STAMBPL1: variants seen among roughly 807,000 people sequenced by gnomAD.
STAMBPL1 encodes AMSH-like protease.
Under a neutral mutation model 52.9 loss-of-function variants are expected in STAMBPL1, and 44 were observed. The observed-to-expected ratio is 0.83, with a 90% confidence interval of 0.65 to 1.07. The LOEUF (loss-of-function observed/expected upper bound fraction) is 1.07. STAMBPL1 is among the 50% of genes least tolerant of loss of function. STAMBPL1 has a pLI of 0.00. For synonymous variants in STAMBPL1, 164 were observed against 177.3 expected, an observed-to-expected ratio of 0.92 and a Z score of 0.60; for missense variants, 511 against 520.8, an observed-to-expected ratio of 0.98 and a Z score of 0.18.
At chr10:88,923,079 G>T in intron 10 of STAMBPL1, 89 bp from the exon 11 acceptor site, 1 of 859,206 alleles carries the variant, frequency 1.2e-6, no homozygotes, top group Non-Finnish European at 1.8e-6. Context: ...TTAAAATTAG[G>T]AAATCTATAC....
At chr10:88,921,259 GATT>G in intron 8 of STAMBPL1, 21 bp from the exon 9 acceptor site, 2 of 1,587,980 alleles carry the variant, frequency 1.3e-6, no homozygotes, top group Non-Finnish European at 1.7e-6. Flanking sequence ...ATCCTAGTAA[GATT>G]ATCTTATTTT....
chr10:88,914,726 T>A, intron 7 of STAMBPL1, 68 bp downstream of exon 7: 2 of 713,278 alleles, frequency 2.8e-6, no homozygotes, highest in Non-Finnish European at 3.8e-6. Flanking sequence ...AGTACTAGAT[T>A]TCTTCTGATA....
intron 3 of STAMBPL1, among the ~76,000 whole-genome samples, chr10:88,905,988 G>A (rs1845064003): frequency 6.6e-6 from 1 of 152,024 alleles, no homozygotes; most frequent in Non-Finnish European, 1.5e-5. Context: ...GACAGAAATG[G>A]AAGCTTTATG....
chr10:88,917,038 C>G (rs1163356180), intron 8 of STAMBPL1, among the ~76,000 whole-genome samples: 2 of 152,064 alleles, frequency 1.3e-5, no homozygotes, highest in African/African-American at 4.8e-5. Context: ...CAGTGTTAGA[C>G]TGTGCCTAAA....
chr10:88,888,162 C>T (rs1233860530), intron 1 of STAMBPL1, among the ~76,000 whole-genome samples: 1 of 151,894 alleles, frequency 6.6e-6, no homozygotes, highest in African/African-American at 2.4e-5. Context: ...TTGGATAGGG[C>T]AGAGATGGAT....
chr10:88,886,644 A>G (rs1422902346), intron 1 of STAMBPL1, among the ~76,000 whole-genome samples: 1 of 152,146 alleles, frequency 6.6e-6, no homozygotes, highest in East Asian at 1.9e-4. Context: ...ATTCATTTTA[A>G]TTGTGTGATT....
At chr10:88,908,577 C>A in intron 3 of STAMBPL1, 125 bp from the exon 4 acceptor site, 3 of 761,810 alleles carry the variant, frequency 3.9e-6, no homozygotes, top group Non-Finnish European at 6.4e-6. Flanking sequence ...GATGGCAAGA[C>A]TGAAGGTAAA....
At chr10:88,901,026 TC>T (rs1297613827) in intron 1 of STAMBPL1, 1 of 152,234 alleles carries the variant, frequency 6.6e-6, no homozygotes, top group Non-Finnish European at 1.5e-5. Flanking sequence ...GGATAATTTT[TC>T]TTTTAATTAG....
rs374165837 is a variant in STAMBPL1 at position 88,913,513 on chromosome 10, A to G, written c.778+55A>G. ...ACTGAGCCTCATCGGATGGAACCAT[A>G]TTTCTATAGCATCTGGGAGGGTCCT... On this transcript the variant is annotated intron_variant, in intron 6 of 10. Transcript: ENST00000371926. 3 of 1,443,074 alleles carry G rather than the reference A, an allele frequency of 2.1e-6. No individual in the cohort carries two copies. In the African/African-American group the frequency reaches 4.2e-5, roughly 20 times the overall value. 89.4% of individuals were successfully genotyped at this position (1,443,074 alleles called of 1,614,324 possible). A position where few individuals can be genotyped will look rare whatever the true frequency, so the allele number is the denominator to read the frequency against.
chr10:88,913,563 A>G, intron 6 of STAMBPL1, 105 bp downstream of exon 6: 1 of 928,868 alleles, frequency 1.1e-6, no homozygotes, highest in Non-Finnish European at 1.6e-6. Flanking sequence ...TAATTGTAGT[A>G]GGACCCCTGC....
At chr10:88,904,743 A>G (rs931306566) in intron 2 of STAMBPL1, among the ~76,000 whole-genome samples, 3 of 152,178 alleles carry the variant, frequency 2.0e-5, no homozygotes, top group Non-Finnish European at 2.9e-5. Context: ...ATAAAATTCA[A>G]ATTGCTATCA....
chr10:88,886,505 G>C (rs1348544911), intron 1 of STAMBPL1, among the ~76,000 whole-genome samples: 1 of 152,046 alleles, frequency 6.6e-6, no homozygotes, highest in Non-Finnish European at 1.5e-5. Flanking sequence ...GAAAGAATTT[G>C]AGATTTAGTG....
rs1178593311 is a variant in STAMBPL1 at position 88,913,384 on chromosome 10, C to G, written c.704C>G (p.Ala235Gly). Residue 235 changes from alanine (A) to glycine (G), a missense_variant, in exon 6 of 11, where the codon GCA becomes GGA. By Grantham distance (60) the Ala-to-Gly change is moderately conservative (BLOSUM62 0). Around this residue, in one of 3 missense-constraint regions of STAMBPL1, gnomAD observed 358 missense variants for 343.5 expected, o/e 1.04. Coordinates refer to ENST00000371926, the MANE Select transcript of STAMBPL1 (RefSeq NM_020799.4). ...VFADQPNKSD[A>G]TNYASHSPPV... ...GCAGATCAACCTAATAAAAGTGATG[C>G]AACCAATTATGCTAGCCACTCTCCT... 6.2e-7 allele frequency: 1 copy of G among 1,613,700 alleles called. No homozygotes were observed. Among genetic ancestry groups the G allele is most frequent in the East Asian group, 2.2e-5 (1 of 44,880 alleles).
At chr10:88,881,469 C>T (rs1458119766) in intron 1 of STAMBPL1, among the ~76,000 whole-genome samples, 2 of 152,072 alleles carry the variant, frequency 1.3e-5, no homozygotes, top group East Asian at 1.9e-4. Flanking sequence ...AAAAAGACAG[C>T]TTTCAAAGTA....
Position 88,921,318 on chromosome 10 carries a change from T to A in STAMBPL1, c.1077T>A (p.Val359=), listed in dbSNP as rs1195110398. The change falls in exon 9 of 11, where the codon GTT becomes GTA. Residue 359 remains valine, a synonymous_variant. Transcript: ENST00000371926. The part of the protein sequence containing the change: ...HPTQTAFLSS[V]DLHTHCSYQL... ...CTCAAACTGCATTTTTATCCAGCGT[T>A]GATCTTCACACTCACTGTTCCTATC... The A allele has an allele frequency of 6.2e-7, 1 of 1,613,360 alleles. No individual in the cohort carries two copies. Among genetic ancestry groups the A allele is most frequent in the East Asian group, 2.2e-5 (1 of 44,866 alleles).
chr10:88,904,929 A>G (rs981504615), intron 2 of STAMBPL1, among the ~76,000 whole-genome samples: 1 of 151,900 alleles, frequency 6.6e-6, no homozygotes, highest in Non-Finnish European at 1.5e-5. Context: ...TTTTTAACTC[A>G]ATGAAGATGC....
chr10:88,912,385 T>G (rs913025100), intron 5 of STAMBPL1: 2 of 152,202 alleles, frequency 1.3e-5, no homozygotes, highest in Middle Eastern at 3.2e-3. Flanking sequence ...GCCTGGATAT[T>G]TTGTTAGAAC....
intron 3 of STAMBPL1, among the ~76,000 whole-genome samples, chr10:88,906,607 C>G (rs543528706): frequency 1.3e-5 from 2 of 151,998 alleles, no homozygotes; most frequent in Non-Finnish European, 2.9e-5. Context: ...TATTTATTAC[C>G]TCACAGACCT....
At chr10:88,883,699 TA>T (rs1201802491) in intron 1 of STAMBPL1, among the ~76,000 whole-genome samples, 3 of 152,250 alleles carry the variant, frequency 2.0e-5, no homozygotes, top group Non-Finnish European at 2.9e-5. Context: ...AAATCTGTGT[TA>T]TTTTTTTCCA....
Sources: gnomAD v4.1 joint callset for allele counts (sites outside exome capture counted in the v4.1 genomes callset) on GRCh38, gnomAD v4.1.1 for gene constraint, gnomAD v4.1.1 regional missense constraint, MANE v1.5 for transcripts, NCBI Gene and HGNC (gene_info 2026-07-23, HGNC 2026-07-21) for gene names.